The following ZC4H2 variants were observed in gnomAD, a reference collection of about 807,000 sequenced individuals.
The protein encoded by ZC4H2 is zinc finger C4H2-type containing.
For synonymous variants in ZC4H2, 84 were observed against 66.3 expected (o/e 1.27, Z -1.30); for missense variants, 137 against 173.9 (o/e 0.79, Z 1.19).
At chrX:65,027,065 G>A (rs1932886780) in intron 1 of ZC4H2, among the ~76,000 whole-genome samples, 1 of 111,998 alleles carries the variant, frequency 8.9e-6, no homozygotes, top group African/African-American at 3.2e-5. Flanking sequence ...TGTGGCCAAC[G>A]GGTCACATAA....
At chrX:64,955,545 T>A (rs1931121528) in intron 1 of ZC4H2, among the ~76,000 whole-genome samples, 1 of 111,208 alleles carries the variant, frequency 9.0e-6, no homozygotes, top group Non-Finnish European at 1.9e-5. Flanking sequence ...CCCTCCACAC[T>A]CTTGGAACTG....
At chrX:64,943,105 G>T (rs1199316693) in intron 1 of ZC4H2, among the ~76,000 whole-genome samples, 2 of 111,482 alleles carry the variant, frequency 1.8e-5, no homozygotes, top group Non-Finnish European at 3.8e-5. Flanking sequence ...TTTCATGTTT[G>T]TTGGCTGCAT....
chrX:64,942,541 C>T (rs1392164783), intron 1 of ZC4H2, among the ~76,000 whole-genome samples: 1 of 95,637 alleles, frequency 1.0e-5, no homozygotes, highest in Non-Finnish European at 2.1e-5. Context: ...CCTGTATGTT[C>T]TCATTGTTCA....
At chrX:64,981,193 T>C (rs1232967281), upstream of ZC4H2, among the ~76,000 whole-genome samples, 1 of 111,416 alleles carries the variant, frequency 9.0e-6, no homozygotes, top group Non-Finnish European at 1.9e-5. Flanking sequence ...CATTGAACTG[T>C]TATTCTAAAA....
At chrX:64,938,556 A>G (rs1328874938) in intron 1 of ZC4H2, among the ~76,000 whole-genome samples, 1 of 112,112 alleles carries the variant, frequency 8.9e-6, no homozygotes, top group Non-Finnish European at 1.9e-5. Context: ...GGCAAACTGA[A>G]TCCAGCAGCA....
intron 1 of ZC4H2, among the ~76,000 whole-genome samples, chrX:64,970,520 G>A (rs1221198761): frequency 9.2e-6 from 1 of 108,437 alleles, no homozygotes; most frequent in East Asian, 2.9e-4. Flanking sequence ...GAGGGAGGGG[G>A]GAAGGAAGGA....
At chrX:64,959,313 T>C (rs1347468848) in intron 1 of ZC4H2, among the ~76,000 whole-genome samples, 1 of 105,265 alleles carries the variant, frequency 9.5e-6, no homozygotes, top group African/African-American at 3.5e-5. Context: ...ATTAAAACTG[T>C]CTTGTTTTAA....
intron 1 of ZC4H2, among the ~76,000 whole-genome samples, chrX:65,028,859 C>T (rs1188288343): frequency 9.0e-6 from 1 of 111,344 alleles, no homozygotes; most frequent in Non-Finnish European, 1.9e-5. Flanking sequence ...TCTACCCCAA[C>T]AAAGACAAAT....
At chrX:64,965,692 T>A (rs1931562096) in intron 1 of ZC4H2, among the ~76,000 whole-genome samples, 2 of 110,713 alleles carry the variant, frequency 1.8e-5, no homozygotes, top group Non-Finnish European at 3.8e-5. Context: ...TCAGAACACT[T>A]TGGGAAGCCA....
chrX:65,013,664 T>A (rs1932779131), intron 1 of ZC4H2, among the ~76,000 whole-genome samples: 1 of 111,113 alleles, frequency 9.0e-6, no homozygotes, highest in African/African-American at 3.3e-5. Flanking sequence ...CCATCTGAAC[T>A]TGAAAGTAGA....
rs369009225 is a variant in ZC4H2 at position 64,996,703 on chromosome X, T to A, written c.-272+37926A>T. Among the ~76,000 whole-genome samples, 10 of 111,059 alleles carry A rather than the reference T, an allele frequency of 9.0e-5. No individual in the cohort carries two copies. The South Asian group carries it at 1.1e-3, about 13-fold the overall frequency. On this transcript the variant is annotated intron_variant, in intron 1 of 4. Coordinates refer to the ZC4H2 transcript ENST00000337990. Reference sequence around the variant, plus strand: ...AGTACAATAACTGAAATAAAAAAAATTCACTACAGGGGTTCAGTAGAAAAT... The same window carrying A: ...AGTACAATAACTGAAATAAAAAAAAATCACTACAGGGGTTCAGTAGAAAAT...
chrX:65,031,567 G>T (rs918801858), intron 1 of ZC4H2, among the ~76,000 whole-genome samples: 11 of 111,892 alleles, frequency 9.8e-5, no homozygotes, highest in African/African-American at 3.6e-4. Context: ...TGAATAAAGA[G>T]AAATATATTA....
intron 1 of ZC4H2, among the ~76,000 whole-genome samples, chrX:64,936,204 G>A (rs754415724): frequency 1.1e-4 from 12 of 109,644 alleles, no homozygotes; most frequent in Admixed American, 2.9e-4. Flanking sequence ...GAAATAAAGC[G>A]TGAAGACAAG....
chrX:64,930,572 T>TA (rs1480657616), intron 1 of ZC4H2, among the ~76,000 whole-genome samples: 1 of 111,717 alleles, frequency 9.0e-6, no homozygotes, highest in Non-Finnish European at 1.9e-5. Flanking sequence ...AGTGTTTTTA[T>TA]AAAAAAGGGA....
intron 1 of ZC4H2, among the ~76,000 whole-genome samples, chrX:64,951,502 G>C (rs950722433): frequency 8.9e-6 from 1 of 112,128 alleles, no homozygotes; most frequent in African/African-American, 3.2e-5. Flanking sequence ...TCTAACTGGT[G>C]TGAGATGGTA....
intron 1 of ZC4H2, among the ~76,000 whole-genome samples, chrX:64,975,011 TC>T (rs1931899651): frequency 9.3e-6 from 1 of 107,605 alleles, no homozygotes; most frequent in Non-Finnish European, 1.9e-5. Flanking sequence ...TGCAACATAT[TC>T]CCTTCTCCTT....
At chrX:64,966,966 C>G (rs764025315) in intron 1 of ZC4H2, among the ~76,000 whole-genome samples, 1 of 111,159 alleles carries the variant, frequency 9.0e-6, no homozygotes, top group Admixed American at 9.6e-5. Flanking sequence ...TCAAATTATC[C>G]TGTAATGACC....
At chrX:64,965,880 G>A (rs1181146301) in intron 1 of ZC4H2, among the ~76,000 whole-genome samples, 1 of 100,932 alleles carries the variant, frequency 9.9e-6, no homozygotes, top group Non-Finnish European at 2.0e-5. Flanking sequence ...CAAGGCTTCA[G>A]TGAGCCACGA....
At chrX:64,972,072 T>C (rs1931800394) in intron 1 of ZC4H2, among the ~76,000 whole-genome samples, 2 of 111,751 alleles carry the variant, frequency 1.8e-5, no homozygotes, top group Non-Finnish European at 1.9e-5. Flanking sequence ...TCTCCCTTCT[T>C]TTGTTCCATT....
Sources: allele counts gnomAD v4.1 joint callset (sites outside exome capture counted in the v4.1 genomes callset), GRCh38; gene constraint gnomAD v4.1.1; transcripts MANE v1.5; gene names NCBI Gene and HGNC (gene_info 2026-07-23, HGNC 2026-07-21).